SLCO3A1: variants seen among roughly 807,000 people sequenced by gnomAD.
SLCO3A1 encodes solute carrier organic anion transporter family member 3A1, also known as PGE1 transporter.
In SLCO3A1, 27 loss-of-function variants were observed where a neutral mutation model predicts 63.1. The observed-to-expected ratio is 0.43, with a 90% confidence interval of 0.32 to 0.59. The LOEUF is 0.59. Ranked by LOEUF, SLCO3A1 falls within the 20% of genes least tolerant of loss-of-function variation. SLCO3A1 has a pLI of 0.09. For synonymous variants in SLCO3A1, 473 were observed against 409.9 expected (o/e 1.15, Z -1.86); for missense variants, 773 against 945.8 (o/e 0.82, Z 2.40).
At position 92,071,628 on chromosome 15, in the gene SLCO3A1, G is replaced by A. The variant is rs367646613; in HGVS notation, c.647-23253G>A. On this transcript the variant is annotated intron_variant, in intron 2 of 9. Coordinates refer to ENST00000318445, the MANE Select transcript of SLCO3A1 (RefSeq NM_013272.4). ...TCTTCCTGATGGACAACACTGGCCC[G>A]GCAGTGTAGGAGGGAACGCAGGCCA... Among the ~76,000 whole-genome samples, 414 of 152,302 alleles carry A rather than the reference G, an allele frequency of 2.7e-3. 3 individuals carry two copies. The highest frequency in any genetic ancestry group is 9.8e-3 in the African/African-American group (407 of 41,570).
rs534453743 is a variant in SLCO3A1, at chr15:91,996,402, A to G, written c.646+79944A>G. Among the ~76,000 whole-genome samples the G allele has an allele frequency of 4.0e-4, 61 of 152,244 alleles. 1 individual carries two copies. The East Asian group carries it at 0.011, about 26-fold the overall frequency. ...TGGATGGGATGATTCAGTATCATAA[A>G]CATTTTTTTTTGCCCAAATATACCT... On this transcript the variant is annotated intron_variant, in intron 2 of 9. Coordinates refer to ENST00000318445, the MANE Select transcript of SLCO3A1 (RefSeq NM_013272.4).
chr15:92,162,874 C>T lies in SLCO3A1; in HGVS notation c.1872C>T (p.Tyr624=). ...CVLYDNVVYR[Y]LYVSIAIALK... ...TCTACGACAATGTGGTCTACCGATA[C>T]CTGTATGTCAGCATCGCCATCGCGC... The change falls in exon 10 of 10, where the codon TAC becomes TAT. Residue 624 remains tyrosine, a synonymous_variant. Transcript: ENST00000318445. 6.2e-7 allele frequency: 1 copy of T among 1,614,202 alleles called. No homozygotes were observed.
chr15:91,918,750 G>T (rs1445894601), intron 2 of SLCO3A1, among the ~76,000 whole-genome samples: 1 of 152,182 alleles, frequency 6.6e-6, no homozygotes, highest in African/African-American at 2.4e-5. Context: ...CACAGTATTT[G>T]GGGTAGCCCA....
intron 1 of SLCO3A1, among the ~76,000 whole-genome samples, chr15:91,906,576 A>G (rs541661458): frequency 1.4e-4 from 21 of 152,368 alleles, no homozygotes; most frequent in Admixed American, 3.3e-4. Context: ...CATAAATCAA[A>G]TGAGGGCCTT....
intron 2 of SLCO3A1, among the ~76,000 whole-genome samples, chr15:91,963,059 G>C (rs912222933): frequency 1.1e-4 from 16 of 152,188 alleles, no homozygotes; most frequent in South Asian, 2.1e-4. Flanking sequence ...AAATGGGTCC[G>C]GGTGCTGGGG....
intron 2 of SLCO3A1, among the ~76,000 whole-genome samples, chr15:92,027,121 T>G (rs1017906998): frequency 2.6e-5 from 4 of 151,528 alleles, no homozygotes; most frequent in Admixed American, 6.6e-5. Context: ...GGTACATTAT[T>G]AAACAGATGG....
chr15:91,869,687 A>T (rs1195464735), intron 1 of SLCO3A1, among the ~76,000 whole-genome samples: 1 of 152,044 alleles, frequency 6.6e-6, no homozygotes, highest in East Asian at 1.9e-4. Context: ...TGACAGAGTG[A>T]GACACTATTT....
intron 2 of SLCO3A1, among the ~76,000 whole-genome samples, chr15:91,993,113 T>C (rs1206592553): frequency 6.6e-6 from 1 of 152,220 alleles, no homozygotes; most frequent in African/African-American, 2.4e-5. Context: ...ATCTCCTAAG[T>C]ACAGCACTGA....
chr15:92,145,699 C>T (rs1286033070), intron 7 of SLCO3A1, among the ~76,000 whole-genome samples: 3 of 152,074 alleles, frequency 2.0e-5, no homozygotes, highest in Admixed American at 1.3e-4. Context: ...AACAGAGGGG[C>T]GGGGCCTCGG....
At position 92,165,566 on chromosome 15, in the gene SLCO3A1, G is replaced by A. The variant is rs1440249669; in HGVS notation, c.*2431G>A. 3 of 984,514 alleles carry A rather than the reference G, an allele frequency of 3.0e-6. No homozygotes were observed. Among genetic ancestry groups the A allele is most frequent in the Non-Finnish European group, 3.6e-6 (3 of 829,328 alleles). The allele number at this position is 984,514 out of a possible 1,614,324, so 61.0% of individuals were successfully genotyped here. ...TGGATTTTTTTTCCTAAGATTTTAG[G>A]ATGAATGTGAAAAAGATGTTAGAAT... On this transcript the variant is annotated 3_prime_UTR_variant, in exon 10 of 10. Coordinates refer to ENST00000318445, the MANE Select transcript of SLCO3A1 (RefSeq NM_013272.4).
chr15:92,072,259 C>G (rs2151515945), intron 2 of SLCO3A1, among the ~76,000 whole-genome samples: 1 of 151,700 alleles, frequency 6.6e-6, no homozygotes, highest in South Asian at 2.1e-4. Flanking sequence ...GAGATTTGGC[C>G]CAACCCAGCC....
chr15:92,067,039 T>G (rs1011987984), intron 2 of SLCO3A1, among the ~76,000 whole-genome samples: 2 of 152,118 alleles, frequency 1.3e-5, no homozygotes, highest in African/African-American at 4.8e-5. Flanking sequence ...ATGTAAATAT[T>G]AGGAGAGAAG....
Position 92,027,715 on chromosome 15 carries a change from C to T in SLCO3A1, c.647-67166C>T, listed in dbSNP as rs77805292. Among the ~76,000 whole-genome samples the T allele has an allele frequency of 1.8e-3, 269 of 152,284 alleles. 6 individuals carry two copies. The East Asian group carries it at 0.043, about 24-fold the overall frequency. Reference sequence around the variant, plus strand: ...TCAACATTTTTATCCATGTCCCTAACGAAAACACAAAGACACACTTACCAC... The same window carrying T: ...TCAACATTTTTATCCATGTCCCTAATGAAAACACAAAGACACACTTACCAC... On this transcript the variant is annotated intron_variant, in intron 2 of 9. Transcript: ENST00000318445.
At chr15:91,858,699 G>T (rs375164998) in intron 1 of SLCO3A1, among the ~76,000 whole-genome samples, 7 of 152,308 alleles carry the variant, frequency 4.6e-5, no homozygotes, top group African/African-American at 1.7e-4. Context: ...TGCTGGAATC[G>T]TGTTTTCTGT....
At chr15:91,977,632 G>A (rs1901169824) in intron 2 of SLCO3A1, among the ~76,000 whole-genome samples, 1 of 152,122 alleles carries the variant, frequency 6.6e-6, no homozygotes, top group South Asian at 2.1e-4. Flanking sequence ...AGGTGGGTGA[G>A]GGATAAAGGA....
intron 2 of SLCO3A1, among the ~76,000 whole-genome samples, chr15:92,019,410 C>G (rs542265171): frequency 6.6e-6 from 1 of 152,174 alleles, no homozygotes; most frequent in African/African-American, 2.4e-5. Context: ...GCTAAGTGTT[C>G]AGTAAATATT....
intron 7 of SLCO3A1, among the ~76,000 whole-genome samples, chr15:92,129,929 T>C (rs78098262): frequency 0.02 from 3,000 of 152,264 alleles, 69 homozygotes; most frequent in African/African-American, 0.056. Context: ...GCAATTTCTT[T>C]ATGTGAGTGG....
intron 1 of SLCO3A1, among the ~76,000 whole-genome samples, chr15:91,903,011 A>G (rs1382989489): frequency 6.6e-6 from 1 of 152,234 alleles, no homozygotes; most frequent in Non-Finnish European, 1.5e-5. Context: ...TTGTTACTGC[A>G]AATGCAATAT....
At chr15:91,921,556 TA>T (rs1488445550) in intron 2 of SLCO3A1, among the ~76,000 whole-genome samples, 1 of 152,136 alleles carries the variant, frequency 6.6e-6, no homozygotes, top group Non-Finnish European at 1.5e-5. Flanking sequence ...GTTTTTTTTT[TA>T]AATAACTTTT....
Sources: gnomAD v4.1 joint callset for allele counts (sites outside exome capture counted in the v4.1 genomes callset) on GRCh38, gnomAD v4.1.1 for gene constraint, MANE v1.5 for transcripts, NCBI Gene and HGNC (gene_info 2026-07-23, HGNC 2026-07-21) for gene names.